The following PXDNL variants were observed in gnomAD, a reference collection of about 807,000 sequenced individuals.
PXDNL encodes probable oxidoreductase PXDNL.
Under a neutral mutation model 150.8 loss-of-function variants are expected in PXDNL, and 145 were observed. The ratio of observed to expected loss-of-function variants is 0.96; its 90% CI spans 0.84 to 1.10. The LOEUF is 1.10. Among genes scored for constraint, PXDNL ranks in the 50% least tolerant of loss-of-function variants. The pLI is 0.00. For missense variants in PXDNL, 2,087 were observed against 1,873.9 expected, an observed-to-expected ratio of 1.11 and a Z score of -2.10; for synonymous variants, 757 against 725.7, an observed-to-expected ratio of 1.04 and a Z score of -0.69.
chr8:51,539,668 T>G (rs975530146), intron 4 of PXDNL, among the ~76,000 whole-genome samples: 1 of 152,192 alleles, frequency 6.6e-6, no homozygotes, highest in Non-Finnish European at 1.5e-5. Context: ...GTTTATCCTC[T>G]CTTCTTGAGT....
intron 4 of PXDNL, among the ~76,000 whole-genome samples, chr8:51,549,062 T>TAAC (rs1563460119): frequency 6.6e-6 from 1 of 151,896 alleles, no homozygotes; most frequent in African/African-American, 2.4e-5. Flanking sequence ...TATAAAGCAA[T>TAAC]AACAGTTTAA....
At chr8:51,582,481 T>C (rs1485620310) in intron 3 of PXDNL, among the ~76,000 whole-genome samples, 1 of 152,172 alleles carries the variant, frequency 6.6e-6, no homozygotes, top group East Asian at 1.9e-4. Context: ...GACAGGTAAA[T>C]TTTATTTAAA....
chr8:51,680,367 T>A (rs1051908418), intron 1 of PXDNL, among the ~76,000 whole-genome samples: 2 of 152,298 alleles, frequency 1.3e-5, no homozygotes, highest in East Asian at 3.9e-4. Flanking sequence ...TCCAGAGTTT[T>A]CATGAGTGCC....
chr8:51,352,347 G>C (rs896629927), intron 19 of PXDNL, among the ~76,000 whole-genome samples: 1 of 152,164 alleles, frequency 6.6e-6, no homozygotes, highest in Non-Finnish European at 1.5e-5. Context: ...ACCTAAAAGT[G>C]CATCGGTGGA....
intron 5 of PXDNL, among the ~76,000 whole-genome samples, chr8:51,493,986 A>T (rs371033604): frequency 6.6e-6 from 1 of 152,226 alleles, no homozygotes; most frequent in East Asian, 1.9e-4. Context: ...TGTCAGATTC[A>T]CCAAAGTTGA....
At chr8:51,781,779 C>A (rs113198414) in intron 1 of PXDNL, among the ~76,000 whole-genome samples, 20 of 152,314 alleles carry the variant, frequency 1.3e-4, no homozygotes, top group African/African-American at 4.8e-4. Context: ...ACTCATTGAT[C>A]CTTGCTATTC....
At chr8:51,606,252 A>G (rs1256617231) in intron 2 of PXDNL, among the ~76,000 whole-genome samples, 3 of 152,148 alleles carry the variant, frequency 2.0e-5, no homozygotes, top group Non-Finnish European at 4.4e-5. Flanking sequence ...CTCAAAAGTT[A>G]TTTAACTTTG....
intron 1 of PXDNL, among the ~76,000 whole-genome samples, chr8:51,751,276 T>C (rs1349823456): frequency 6.6e-6 from 1 of 152,200 alleles, no homozygotes; most frequent in South Asian, 2.1e-4. Flanking sequence ...TAATTTACAA[T>C]GACATGAGAC....
At chr8:51,585,888 G>A (rs1384111869) in intron 3 of PXDNL, among the ~76,000 whole-genome samples, 3 of 137,328 alleles carry the variant, frequency 2.2e-5, no homozygotes, top group South Asian at 4.3e-4. Context: ...GATAGATATG[G>A]CCCCTTTTCT....
intron 3 of PXDNL, among the ~76,000 whole-genome samples, chr8:51,588,151 C>G (rs894504462): frequency 1.1e-4 from 16 of 151,964 alleles, no homozygotes; most frequent in Non-Finnish European, 2.4e-4. Flanking sequence ...AGTAGAAAGG[C>G]AATGCTTACC....
intron 1 of PXDNL, among the ~76,000 whole-genome samples, chr8:51,665,567 C>G (rs1390238646): frequency 6.6e-6 from 1 of 152,086 alleles, no homozygotes; most frequent in African/African-American, 2.4e-5. Context: ...TCCTTATATG[C>G]AAAATAAAGC....
At chr8:51,527,126 T>G (rs574253732) in intron 4 of PXDNL, among the ~76,000 whole-genome samples, 2 of 152,348 alleles carry the variant, frequency 1.3e-5, no homozygotes, top group South Asian at 4.1e-4. Flanking sequence ...GCAGCCTATT[T>G]CTTGAAGAGT....
At chr8:51,684,315 T>C (rs998566176) in intron 1 of PXDNL, among the ~76,000 whole-genome samples, 5 of 152,222 alleles carry the variant, frequency 3.3e-5, no homozygotes, top group African/African-American at 1.2e-4. Flanking sequence ...ACCATGAACA[T>C]GTGTCCCAGC....
chr8:51,329,957 T>C (rs1805632443), intron 21 of PXDNL, among the ~76,000 whole-genome samples: 1 of 152,136 alleles, frequency 6.6e-6, no homozygotes, highest in African/African-American at 2.4e-5. Context: ...AGAGGACAAA[T>C]GGTATAGATT....
At chr8:51,660,043 C>T (rs1199946600) in intron 1 of PXDNL, among the ~76,000 whole-genome samples, 1 of 151,964 alleles carries the variant, frequency 6.6e-6, no homozygotes, top group Non-Finnish European at 1.5e-5. Flanking sequence ...GCGCCCACCA[C>T]CATGTCGGGC....
intron 17 of PXDNL, among the ~76,000 whole-genome samples, chr8:51,387,176 T>TCAC (rs1807742373): frequency 6.6e-6 from 1 of 152,246 alleles, no homozygotes; most frequent in African/African-American, 2.4e-5. Flanking sequence ...CCACCCACTC[T>TCAC]TACAATTCTC....
At chr8:51,515,162 G>T (rs1479934142) in intron 4 of PXDNL, among the ~76,000 whole-genome samples, 1 of 152,138 alleles carries the variant, frequency 6.6e-6, no homozygotes, top group African/African-American at 2.4e-5. Flanking sequence ...GAGGGAAGGG[G>T]GCAAGGACAG....
At chr8:51,584,063 A>T (rs939619935) in intron 3 of PXDNL, among the ~76,000 whole-genome samples, 3 of 152,132 alleles carry the variant, frequency 2.0e-5, no homozygotes, top group African/African-American at 7.2e-5. Context: ...CCAAAGTCAT[A>T]AAAAAATCAA....
chr8:51,414,400 A>C (rs1202976716), intron 14 of PXDNL, among the ~76,000 whole-genome samples: 1 of 151,876 alleles, frequency 6.6e-6, no homozygotes, highest in African/African-American at 2.4e-5. Flanking sequence ...AATTTTAAGA[A>C]AAAAAATACC....
Sources: allele counts gnomAD v4.1 joint callset (sites outside exome capture counted in the v4.1 genomes callset), GRCh38; gene constraint gnomAD v4.1.1; transcripts MANE v1.5; gene names NCBI Gene and HGNC (gene_info 2026-07-23, HGNC 2026-07-21).